TMC3: variants seen among roughly 807,000 people sequenced by gnomAD.
TMC3 encodes transmembrane channel-like protein 3.
TMC3 carries 98 observed loss-of-function variants against 110.6 expected under a neutral mutation model. That is an observed-to-expected ratio of 0.89 (90% CI 0.75 to 1.05). The LOEUF is 1.05. TMC3 is among the 50% of genes least tolerant of loss of function. TMC3 has a pLI of 0.00. For missense variants in TMC3, 1,319 were observed against 1,373.2 expected (o/e 0.96, Z 0.62); for synonymous variants, 489 against 513.1 (o/e 0.95, Z 0.63).
intron 12 of TMC3, among the ~76,000 whole-genome samples, chr15:81,346,068 C>T (rs1307755604): frequency 6.6e-6 from 1 of 152,106 alleles, no homozygotes; most frequent in African/African-American, 2.4e-5. Context: ...ATAGCCTTTT[C>T]CTGATGGGAT....
chr15:81,357,579 G>A (rs186663801), intron 7 of TMC3, among the ~76,000 whole-genome samples: 11 of 152,196 alleles, frequency 7.2e-5, no homozygotes, highest in African/African-American at 2.2e-4. Context: ...AGTCGGGGTG[G>A]TGCAGAGCTC....
chr15:81,344,969 T>A lies in TMC3; in HGVS notation c.1315A>T (p.Thr439Ser). 6.2e-7 allele frequency: 1 copy of A among 1,603,802 alleles called. No individual in the cohort carries two copies. Among genetic ancestry groups the A allele is most frequent in the South Asian group, 1.1e-5 (1 of 89,106 alleles). Reference sequence around the variant, plus strand: ...GCTGTCCTGGTTGCAAAGAAGGTGGTGGAATCTATCCAATGACTTGTGTTA... The same window carrying A: ...GCTGTCCTGGTTGCAAAGAAGGTGGAGGAATCTATCCAATGACTTGTGTTA... ...KNNTSHWIDS[T>S]TFFATRTAPE... The change falls in exon 13 of 22, where the codon ACC becomes TCC. Residue 439 changes from threonine to serine, a missense_variant. Transcript: ENST00000359440.
rs929076568 is a variant in TMC3 at position 81,362,093 on chromosome 15, A to G, written c.394+127T>C. On this transcript the variant is annotated intron_variant, in intron 4 of 21. Transcript: ENST00000359440. ...GGGTCTGTTGTTCCATATGGAGGCCAGTGACTCTGCTATGAGGGTGCCCTC... is the reference window on the plus strand; with the variant it reads ...GGGTCTGTTGTTCCATATGGAGGCCGGTGACTCTGCTATGAGGGTGCCCTC... The G allele has an allele frequency of 9.7e-6, 7 of 725,252 alleles. No homozygotes were observed. The East Asian group carries it at 1.8e-4, about 18-fold the overall frequency. 44.9% of individuals were successfully genotyped at this position (725,252 alleles called of 1,614,324 possible). A position where few individuals can be genotyped will look rare whatever the true frequency, so the allele number is the denominator to read the frequency against.
intron 17 of TMC3, 146 bp from the exon 18 acceptor site, chr15:81,338,926 A>C (rs1893654353): frequency 2.3e-6 from 2 of 866,988 alleles, no homozygotes; most frequent in African/African-American, 3.3e-5. Context: ...AGGATGGAAG[A>C]TGGGGTCATT....
intron 17 of TMC3, 74 bp from the exon 18 acceptor site, chr15:81,338,854 G>A: frequency 6.4e-7 from 1 of 1,560,986 alleles, no homozygotes; most frequent in Admixed American, 1.8e-5. Context: ...TCAGAAAATG[G>A]CTGGATGCCT....
At chr15:81,368,393 T>A (rs1894364014) in intron 2 of TMC3, 65 bp from the exon 3 acceptor site, 2 of 1,280,828 alleles carry the variant, frequency 1.6e-6, no homozygotes, top group Non-Finnish European at 2.3e-6. Flanking sequence ...GCAAAATGTG[T>A]AAAAATGCAA....
intron 2 of TMC3, among the ~76,000 whole-genome samples, chr15:81,371,854 C>T (rs1361303421): frequency 6.6e-6 from 1 of 152,098 alleles, no homozygotes; most frequent in Non-Finnish European, 1.5e-5. Flanking sequence ...TAACAATATC[C>T]AGAGAGCTTA....
At chr15:81,343,413 A>C (rs1893755550) in intron 14 of TMC3, 68 bp from the exon 15 acceptor site, 1 of 1,003,940 alleles carries the variant, frequency 1.0e-6, no homozygotes, top group Non-Finnish European at 1.6e-6. Flanking sequence ...AATTAATTAC[A>C]GACACCTATA....
At chr15:81,353,938 A>C (rs1217904681) in intron 9 of TMC3, among the ~76,000 whole-genome samples, 1 of 152,248 alleles carries the variant, frequency 6.6e-6, no homozygotes, top group African/African-American at 2.4e-5. Context: ...TAAATAAAGG[A>C]GCAACTAATT....
intron 10 of TMC3, among the ~76,000 whole-genome samples, chr15:81,350,522 A>T (rs1230495219): frequency 6.6e-6 from 1 of 152,240 alleles, no homozygotes; most frequent in African/African-American, 2.4e-5. Flanking sequence ...TATCTTTCAA[A>T]AACTATTCAT....
chr15:81,354,451 C>T (rs1894014626), intron 9 of TMC3, among the ~76,000 whole-genome samples: 1 of 152,200 alleles, frequency 6.6e-6, no homozygotes, highest in South Asian at 2.1e-4. Context: ...CTATTCCCAG[C>T]GGTTCAGGGT....
chr15:81,358,273 C>G lies in TMC3; in HGVS notation c.619G>C (p.Val207Leu). Residue 207 changes from valine (V) to leucine (L), a missense_variant, in exon 7 of 22, where the codon GTC becomes CTC. Coordinates refer to ENST00000359440, the MANE Select transcript of TMC3 (RefSeq NM_001080532.3). The stretch of plus-strand genomic sequence containing the variant: ...CTGCCGTAATATCCGTAGAAGAGGA[C>G]AGAGTACTGGAGGTAGCCCTGCAAA... ...WSLGGYLQYSVLFYGYYGRER... is the reference protein window; with the variant it reads ...WSLGGYLQYSLLFYGYYGRER... The G allele has an allele frequency of 6.2e-7, 1 of 1,611,048 alleles. No homozygotes were observed. Among genetic ancestry groups the G allele is most frequent in the Non-Finnish European group, 8.5e-7 (1 of 1,178,754 alleles).
At chr15:81,365,959 A>T (rs2141423914) in intron 3 of TMC3, among the ~76,000 whole-genome samples, 1 of 152,318 alleles carries the variant, frequency 6.6e-6, no homozygotes, top group Admixed American at 6.5e-5. Flanking sequence ...TAGATATGTG[A>T]TACATGCACA....
chr15:81,353,773 C>A (rs981780707), intron 9 of TMC3, among the ~76,000 whole-genome samples: 3 of 152,224 alleles, frequency 2.0e-5, no homozygotes, highest in Non-Finnish European at 4.4e-5. Context: ...TGTCACTATG[C>A]AACATCTGAC....
At chr15:81,373,790 C>A (rs1310805145) in intron 1 of TMC3, among the ~76,000 whole-genome samples, 199 bp downstream of exon 1, 1 of 152,154 alleles carries the variant, frequency 6.6e-6, no homozygotes, top group Non-Finnish European at 1.5e-5. Context: ...CAAGAAGCAG[C>A]CAGAAGAACC....
intron 19 of TMC3, among the ~76,000 whole-genome samples, 159 bp from the exon 20 acceptor site, chr15:81,336,810 G>A (rs1460519831): frequency 3.3e-5 from 5 of 152,098 alleles, no homozygotes; most frequent in East Asian, 1.9e-4. Context: ...CTCTGGGCTC[G>A]GGCCTGTTAT....
At chr15:81,345,101 C>T in intron 12 of TMC3, 90 bp from the exon 13 acceptor site, 2 of 1,493,916 alleles carry the variant, frequency 1.3e-6, no homozygotes, top group South Asian at 1.4e-5. Context: ...ATCATGGACC[C>T]CAAGGGTGTC....
In TMC3 at chr15:81,341,459, A is replaced by C. The variant is rs1364589693; in HGVS notation, c.1775T>G (p.Leu592Arg). The C allele has an allele frequency of 1.9e-6, 3 of 1,611,680 alleles. No individual in the cohort carries two copies. Among genetic ancestry groups the C allele is most frequent in the Non-Finnish European group, 2.5e-6 (3 of 1,178,782 alleles). ...CACAGCCCAGCTTCTCAGGTACATG[A>C]GCCCAATGAGTTTGAGAACGTTGAA... is the stretch of plus-strand genomic sequence containing the variant. Reference protein sequence around the residue: ...PAFNVLKLIGLMYLRSWAVLT... With the variant: ...PAFNVLKLIGRMYLRSWAVLT... Residue 592 changes from leucine to arginine, a missense_variant, in exon 16 of 22, where the codon CTC becomes CGC. Physicochemically the swap from Leu to Arg is moderately radical, Grantham distance 102. Transcript: ENST00000359440.
At chr15:81,350,385 C>A (rs971191417) in intron 10 of TMC3, among the ~76,000 whole-genome samples, 1 of 152,150 alleles carries the variant, frequency 6.6e-6, no homozygotes, top group African/African-American at 2.4e-5. Flanking sequence ...ATGTAATATT[C>A]TTTCTGTACA....
Sources: allele counts gnomAD v4.1 joint callset (sites outside exome capture counted in the v4.1 genomes callset), GRCh38; gene constraint gnomAD v4.1.1; transcripts MANE v1.5; gene names NCBI Gene and HGNC (gene_info 2026-07-23, HGNC 2026-07-21).